Variants in TPM3 observed in about 807,000 individuals in gnomAD.
TPM3 encodes tropomyosin alpha-3 chain.
Under a neutral mutation model 43.1 loss-of-function variants are expected in TPM3, and 16 were observed. The ratio of observed to expected loss-of-function variants is 0.37; its 90% confidence interval spans 0.25 to 0.56. TPM3 has a LOEUF of 0.56. Among genes scored for constraint, TPM3 ranks in the 20% least tolerant of loss-of-function variants. The pLI, the probability that TPM3 is intolerant of heterozygous loss-of-function variation, is 0.77. For synonymous variants in TPM3, 101 were observed against 116.9 expected (o/e 0.86, Z 0.88); for missense variants, 176 against 337.2 (o/e 0.52, Z 3.74).
In TPM3 at chr1:154,169,342, C is replaced by A; in HGVS notation, c.817G>T (p.Glu273Ter). The A allele has an allele frequency of 6.2e-7, 1 of 1,614,204 alleles. No individual in the cohort carries two copies. The highest frequency in any genetic ancestry group is 1.1e-5 in the South Asian group (1 of 91,090). ...TCATTGAGGGCGTGGTCCAGCTCCT[C>A]GCTAATGGCCTTGTACTTCAGTTTC... is the stretch of plus-strand genomic sequence containing the variant. ...AQKLKYKAIS[E>*]ELDHALNDMT... is the part of the protein sequence containing the mutation. The change falls in exon 9 of 10, where the codon GAG becomes TAG. Residue 273 changes from glutamate (E) to a stop codon, truncating the protein, a stop_gained. Transcript: ENST00000651641. LOFTEE classifies it high-confidence loss of function.
intron 2 of TPM3, among the ~76,000 whole-genome samples, chr1:154,178,767 G>A (rs185629912): frequency 6.6e-6 from 1 of 152,284 alleles, no homozygotes; most frequent in African/African-American, 2.4e-5. Flanking sequence ...TGTTTCAGCT[G>A]ACCTATCTCT....
At position 154,167,451 on chromosome 1, in the gene TPM3, C is replaced by T. The variant is rs1468145280; in HGVS notation, c.*486G>A. ...GGAATACCTGAAGAGAGAATGGAAACACTGCAGGCAGGATGATTTAAGAAC... is the reference window on the plus strand; with the variant it reads ...GGAATACCTGAAGAGAGAATGGAAATACTGCAGGCAGGATGATTTAAGAAC... On this transcript the variant is annotated 3_prime_UTR_variant, in exon 10 of 10. Transcript: ENST00000651641. 1 of 1,073,204 alleles carries T rather than the reference C, an allele frequency of 9.3e-7. No individual in the cohort carries two copies. Among genetic ancestry groups the T allele is most frequent in the Non-Finnish European group, 1.1e-6 (1 of 883,152 alleles). The allele number at this position is 1,073,204 out of a possible 1,614,324, so 66.5% of individuals were successfully genotyped here. A position where few individuals can be genotyped will look rare whatever the true frequency, so the allele number is the denominator to read the frequency against.
At chr1:154,180,784 G>C (rs1396968637) in intron 2 of TPM3, among the ~76,000 whole-genome samples, 2 of 152,000 alleles carry the variant, frequency 1.3e-5, no homozygotes, top group African/African-American at 2.4e-5. Context: ...AAATCGCCGA[G>C]TGTGGTGGTG....
chr1:154,170,980 G>A (rs1477605186), intron 6 of TPM3: 1 of 542,230 alleles, frequency 1.8e-6, no homozygotes, highest in East Asian at 3.2e-5. Context: ...CCAAGGAGGT[G>A]TTTTTCCTTT....
chr1:154,191,922 C>G lies in TPM3; in HGVS notation c.97G>C (p.Ala33Pro). The G allele has an allele frequency of 6.2e-7, 1 of 1,613,770 alleles. No individual in the cohort carries two copies. The highest frequency in any genetic ancestry group is 8.5e-7 in the Non-Finnish European group (1 of 1,179,990). Residue 33 changes from alanine (A) to proline (P), a missense_variant, in exon 1 of 10, where the codon GCA becomes CCA. Ala to Pro is a conservative substitution (Grantham distance 27). This residue lies in a region of TPM3 where 82 missense variants were observed against 148.8 expected (regional missense o/e 0.55). Coordinates refer to ENST00000651641, the MANE Select transcript of TPM3 (RefSeq NM_152263.4). ...CCTACCTGTTTACTTCTTTCTTCTGCCTGCTTCTGCTCAGCTTCAGCTTGC... is the reference window on the plus strand; with the variant it reads ...CCTACCTGTTTACTTCTTTCTTCTGGCTGCTTCTGCTCAGCTTCAGCTTGC... ...AEQAEAEQKQ[A>P]EERSKQLEDE...
intron 3 of TPM3, among the ~76,000 whole-genome samples, chr1:154,175,159 GTC>G (rs1409115858): frequency 6.6e-6 from 1 of 151,898 alleles, no homozygotes; most frequent in Non-Finnish European, 1.5e-5. Context: ...GTGAAACCCT[GTC>G]TCTACTAAAA....
chr1:154,171,800 C>T (rs1006086296), intron 5 of TPM3: 6 of 639,362 alleles, frequency 9.4e-6, no homozygotes, highest in Non-Finnish European at 1.6e-5. Context: ...CCAACCCAAA[C>T]AGTCCCCCAA....
chr1:154,183,102 G>A, intron 2 of TPM3: 2 of 1,599,318 alleles, frequency 1.3e-6, no homozygotes, highest in Non-Finnish European at 1.7e-6. Context: ...CCGCCTCGAT[G>A]GTGGTGATCC....
intron 2 of TPM3, among the ~76,000 whole-genome samples, chr1:154,177,833 C>T (rs1043942177): frequency 6.6e-6 from 1 of 152,114 alleles, no homozygotes; most frequent in Admixed American, 6.6e-5. Flanking sequence ...GCTGAAGAGA[C>T]TAGGAAGGGA....
Position 154,167,598 on chromosome 1 carries a change from A to G in TPM3, c.*339T>C, listed in dbSNP as rs1356417124. 2 of 1,211,522 alleles carry G rather than the reference A, an allele frequency of 1.7e-6. No homozygotes were observed. Among genetic ancestry groups the G allele is most frequent in the Non-Finnish European group, 2.1e-6 (2 of 964,436 alleles). The allele number at this position is 1,211,522 out of a possible 1,614,324, so 75.0% of individuals were successfully genotyped here. ...AGATCAGCTGAGTTTAAATGTCAAGAAAAAATAGACACACACAAAAGTGGC... is the reference window on the plus strand; with the variant it reads ...AGATCAGCTGAGTTTAAATGTCAAGGAAAAATAGACACACACAAAAGTGGC... On this transcript the variant is annotated 3_prime_UTR_variant, in exon 10 of 10. Transcript: ENST00000651641.
chr1:154,171,311 G>A lies in TPM3; in HGVS notation c.642+102C>T, dbSNP rs977138877. The A allele has an allele frequency of 3.8e-5, 47 of 1,226,346 alleles. 1 individual carries two copies. The South Asian group carries it at 4.2e-4, about 11-fold the overall frequency. 76.0% of individuals were successfully genotyped at this position (1,226,346 alleles called of 1,614,324 possible). Reference sequence around the variant, plus strand: ...TGGTAAGGAGGTAGGAAGAGGACACGCCTCACTGGATTATATATGGAATGC... The same window carrying A: ...TGGTAAGGAGGTAGGAAGAGGACACACCTCACTGGATTATATATGGAATGC... On this transcript the variant is annotated intron_variant, in intron 6 of 9. Transcript: ENST00000651641.
At chr1:154,191,815 A>G (rs961012954) in intron 1 of TPM3, 87 bp downstream of exon 1, 72 of 1,574,990 alleles carry the variant, frequency 4.6e-5, no homozygotes, top group Non-Finnish European at 5.9e-5. Flanking sequence ...AGGTGACACC[A>G]GTAGTCACTG....
intron 5 of TPM3, 34 bp from the exon 6 acceptor site, chr1:154,171,522 A>T: frequency 6.2e-7 from 1 of 1,606,138 alleles, no homozygotes; most frequent in Non-Finnish European, 8.5e-7. Flanking sequence ...GGAGAGGAAA[A>T]GGGAAAAGGA....
Position 154,166,587 on chromosome 1 carries a change from G to A in TPM3, c.*1350C>T. ...AAATTTTAAATACATACCCTGCTGG[G>A]AAACTAAAGTACTAAGTGAACAACA... On this transcript the variant is annotated 3_prime_UTR_variant, in exon 10 of 10. Transcript: ENST00000651641. 1.9e-6 allele frequency: 2 copies of A among 1,050,786 alleles called. No individual in the cohort carries two copies. Among genetic ancestry groups the A allele is most frequent in the Non-Finnish European group, 2.3e-6 (2 of 870,266 alleles). 65.1% of individuals were successfully genotyped at this position (1,050,786 alleles called of 1,614,324 possible). A position where few individuals can be genotyped will look rare whatever the true frequency, so the allele number is the denominator to read the frequency against.
At position 154,170,781 on chromosome 1, in the gene TPM3, T is replaced by C. The variant is rs1387120252; in HGVS notation, c.643-70A>G. ...CACAGGCAATACCCCCCTCCCTACA[T>C]TTAACTTACATTGAATATCCTCTTG... On this transcript the variant is annotated intron_variant, in intron 6 of 9. Coordinates refer to ENST00000651641, the MANE Select transcript of TPM3 (RefSeq NM_152263.4). 20 of 1,029,998 alleles carry C rather than the reference T, an allele frequency of 1.9e-5. No individual in the cohort carries two copies. In the East Asian group the frequency reaches 4.5e-4, roughly 23 times the overall value. The allele number at this position is 1,029,998 out of a possible 1,614,324, so 63.8% of individuals were successfully genotyped here. A position where few individuals can be genotyped will look rare whatever the true frequency, so the allele number is the denominator to read the frequency against.
intron 4 of TPM3, 52 bp downstream of exon 4, chr1:154,173,032 A>G: frequency 1.2e-6 from 2 of 1,613,750 alleles, no homozygotes; most frequent in Non-Finnish European, 1.7e-6. Flanking sequence ...CATTTACCGC[A>G]TTATGCTTTG....
At chr1:154,160,513 G>A (rs1245451627), downstream of TPM3, among the ~76,000 whole-genome samples, 1 of 152,198 alleles carries the variant, frequency 6.6e-6, no homozygotes, top group Non-Finnish European at 1.5e-5. Context: ...GTATTAAACA[G>A]TAGAATCAGG....
At chr1:154,158,311 G>A (rs765198783), downstream of TPM3, among the ~76,000 whole-genome samples, 4 of 152,184 alleles carry the variant, frequency 2.6e-5, no homozygotes, top group Non-Finnish European at 5.9e-5. Flanking sequence ...TTGCTGCAGA[G>A]CTATTGAACA....
At chr1:154,178,644 T>C (rs1007178169) in intron 2 of TPM3, among the ~76,000 whole-genome samples, 7 of 152,190 alleles carry the variant, frequency 4.6e-5, no homozygotes, top group Non-Finnish European at 1.0e-4. Flanking sequence ...TACCAAGAGA[T>C]TGAACAGGCC....
Sources: gnomAD v4.1 joint callset for allele counts (sites outside exome capture counted in the v4.1 genomes callset) on GRCh38, gnomAD v4.1.1 for gene constraint, gnomAD v4.1.1 regional missense constraint, MANE v1.5 for transcripts, NCBI Gene and HGNC (gene_info 2026-07-23, HGNC 2026-07-21) for gene names.